Variants in EPS8L1 observed in about 807,000 individuals in gnomAD.
EPS8L1 encodes the protein EPS8 signaling adaptor L1, also known as epidermal growth factor receptor kinase substrate 8-like protein 1.
Under a neutral mutation model 91.7 loss-of-function variants are expected in EPS8L1, and 101 were observed. That is an observed-to-expected ratio of 1.10 (90% CI 0.94 to 1.30). The LOEUF (loss-of-function observed/expected upper bound fraction) is 1.30, where lower values mean the gene tolerates loss of function less well. Among genes scored for constraint, EPS8L1 ranks in the 50% most tolerant of loss-of-function variants. The pLI is 0.00. For synonymous variants in EPS8L1, 506 were observed against 445.3 expected (o/e 1.14, Z -1.72); for missense variants, 1,114 against 1,017.0 (o/e 1.10, Z -1.30).
At chr19:55,076,509 TC>T in intron 2 of EPS8L1, 48 bp downstream of exon 2, 3 of 1,588,390 alleles carry the variant, frequency 1.9e-6, no homozygotes, top group Non-Finnish European at 1.7e-6. Context: ...GCCTCCCGCC[TC>T]CCCTCGCCTC....
chr19:55,080,487 T>C, intron 6 of EPS8L1: 1 of 1,613,620 alleles, frequency 6.2e-7, no homozygotes, highest in Non-Finnish European at 8.5e-7. Flanking sequence ...GAAGGTGGGA[T>C]GAGGACATGA....
At chr19:55,082,661 G>A in intron 12 of EPS8L1, 59 bp downstream of exon 12, 1 of 1,467,406 alleles carries the variant, frequency 6.8e-7, no homozygotes, top group Non-Finnish European at 9.2e-7. Context: ...AAGGCGCTGG[G>A]AGGTGGGTGG....
At position 55,081,602 on chromosome 19, in the gene EPS8L1, T is replaced by C. The variant is rs367877897; in HGVS notation, c.774+110T>C. 9 of 707,812 alleles carry C rather than the reference T, an allele frequency of 1.3e-5. No individual in the cohort carries two copies. Among genetic ancestry groups the C allele is most frequent in the Non-Finnish European group, 1.2e-5 (6 of 515,868 alleles). 43.8% of individuals were successfully genotyped at this position (707,812 alleles called of 1,614,324 possible). ...GACGGGCGTTCTCTGGTCAGACTTC[T>C]GCGTTATGGAAGAGGGGCTGGGTCG... On this transcript the variant is annotated intron_variant, in intron 8 of 19. Transcript: ENST00000201647. This position sits in a 1 kb window ranked among gnomAD's most constrained non-coding sequence, Gnocchi z 4.9.
At chr19:55,076,923 G>A (rs1210745623) in intron 2 of EPS8L1, among the ~76,000 whole-genome samples, 2 of 152,186 alleles carry the variant, frequency 1.3e-5, no homozygotes, top group African/African-American at 4.8e-5. Context: ...GAAGACTCAA[G>A]TCCCCCAGAG....
At position 55,086,888 on chromosome 19, in the gene EPS8L1, G is replaced by A. The variant is rs2076358552; in HGVS notation, c.1952G>A (p.Gly651Glu). The change falls in exon 18 of 20, where the codon GGG (glycine) becomes GAG (glutamate). Residue 651 changes from glycine to glutamate, a missense_variant and splice_region_variant. Physicochemically the swap from Gly to Glu is moderately conservative, Grantham distance 98. Coordinates refer to ENST00000201647, the MANE Select transcript of EPS8L1 (RefSeq NM_133180.3). Reference protein sequence around the residue: ...AWLQAKGFSSGTVDALGVLTG... With the variant: ...AWLQAKGFSSETVDALGVLTG... Reference sequence around the variant, plus strand: ...CTGCAGGCCAAGGGCTTTAGCTCCGGGTGAGTGGGGCCGGGGCCCTCTCGG... The same window carrying A: ...CTGCAGGCCAAGGGCTTTAGCTCCGAGTGAGTGGGGCCGGGGCCCTCTCGG... 2 of 1,431,176 alleles carry A rather than the reference G, an allele frequency of 1.4e-6. No homozygotes were observed. Among genetic ancestry groups the A allele is most frequent in the African/African-American group, 3.0e-5 (2 of 66,312 alleles). The allele number at this position is 1,431,176 out of a possible 1,614,324, so 88.7% of individuals were successfully genotyped here.
intron 17 of EPS8L1, 78 bp from the exon 18 acceptor site, chr19:55,086,636 C>CCCCCCCCCCCCCCCCCAGG: frequency 1.4e-5 from 13 of 956,858 alleles, no homozygotes; most frequent in African/African-American, 2.9e-5. Flanking sequence ...CGCTGGAGCG[C>CCCCCCCCCCCCCCCCCAGG]CCCCCCGCCC....
chr19:55,086,627 G>A (rs1033483662), intron 17 of EPS8L1, 87 bp from the exon 18 acceptor site: 1 of 1,509,826 alleles, frequency 6.6e-7, no homozygotes, highest in East Asian at 2.4e-5. Flanking sequence ...TTCTGGGGAC[G>A]CTGGAGCGCC....
chr19:55,080,066 C>A, intron 5 of EPS8L1, 63 bp from the exon 6 acceptor site: 1 of 1,458,228 alleles, frequency 6.9e-7, no homozygotes, highest in Non-Finnish European at 9.1e-7. Context: ...CCCACACTCC[C>A]GTCGCCATTT....
rs142793216 is a variant in EPS8L1, at chr19:55,082,278, C to A, written c.994C>A (p.Arg332=). 2 of 1,611,828 alleles carry A rather than the reference C, an allele frequency of 1.2e-6. No homozygotes were observed. The stretch of plus-strand genomic sequence containing the variant: ...CACCTCCCTCCCCACGCCCCAGGCC[C>A]GGCTGCGCGGCAACATCGCCGACCC... ...KIKYAFSLLA[R]LRGNIADPSS... is the part of the protein sequence containing the mutation. Residue 332 remains arginine (R), a synonymous_variant, in exon 11 of 20, where the codon CGG becomes AGG. Coordinates refer to ENST00000201647, the MANE Select transcript of EPS8L1 (RefSeq NM_133180.3).
chr19:55,086,522 A>G lies in EPS8L1; in HGVS notation c.1777+4A>G. On this transcript the variant is annotated splice_donor_region_variant and intron_variant, in intron 17 of 19. Transcript: ENST00000201647. ...GGCTTGGACCCCAGCGAGAAGGGTG[A>G]GTGGTGGGGACGCCGGCTGCGGGGA... 6.4e-7 allele frequency: 1 copy of G among 1,550,702 alleles called. No individual in the cohort carries two copies. The highest frequency in any genetic ancestry group is 8.7e-7 in the Non-Finnish European group (1 of 1,146,616).
Position 55,086,831 on chromosome 19 carries a change from C to G in EPS8L1, c.1895C>G (p.Pro632Arg), listed in dbSNP as rs758031153. 2.6e-6 allele frequency: 4 copies of G among 1,543,926 alleles called. No individual in the cohort carries two copies. Among genetic ancestry groups the G allele is most frequent in the Non-Finnish European group, 2.6e-6 (3 of 1,147,076 alleles). Residue 632 changes from proline (P) to arginine (R), a missense_variant, in exon 18 of 20, where the codon CCG (proline) becomes CGG (arginine). Physicochemically the swap from Pro to Arg is moderately radical, Grantham distance 103. Transcript: ENST00000201647. ...GPRAPEPQLS[P>R]GSDASEVRAW... ...CGCGCCCCGGAACCGCAGCTCAGCC[C>G]GGGCTCGGACGCCTCCGAGGTCCGC...
intron 2 of EPS8L1, among the ~76,000 whole-genome samples, chr19:55,077,519 C>T (rs540321239): frequency 4.0e-5 from 6 of 150,792 alleles, no homozygotes; most frequent in Admixed American, 6.6e-5. Context: ...GTTTGAATCC[C>T]GGACTATGCC....
In EPS8L1 at chr19:55,076,096, G is replaced by A. The variant is rs748759989; in HGVS notation, c.-38+177G>A. On this transcript the variant is annotated intron_variant, in intron 1 of 19. Coordinates refer to ENST00000201647, the MANE Select transcript of EPS8L1 (RefSeq NM_133180.3). ...GACTCCTAGGTCTGAGGGAGGAGGG[G>A]CTGAGGGCCTGGACTCCTGGGTCTG... Among the ~76,000 whole-genome samples, 163 of 114,490 alleles carry A rather than the reference G, an allele frequency of 1.4e-3. 2 individuals are homozygous for A. Among genetic ancestry groups the A allele is most frequent in the Non-Finnish European group, 2.1e-3 (104 of 48,806 alleles). The allele number at this position is 114,490 out of a possible 152,430, so 75.1% of individuals were successfully genotyped here. A position where few individuals can be genotyped will look rare whatever the true frequency, so the allele number is the denominator to read the frequency against.
chr19:55,078,095 G>T lies in EPS8L1; in HGVS notation c.25G>T (p.Ala9Ser). MSTATGPE[A>S]APKPSAKSIY... ...TCCTCTTTTCTTCACCAGCCCAGAA[G>T]CTGCCCCAAAGCCAAGCGCCAAGTC... The change falls in exon 3 of 20, where the codon GCT becomes TCT. Residue 9 changes from alanine to serine, a missense_variant. Coordinates refer to ENST00000201647, the MANE Select transcript of EPS8L1 (RefSeq NM_133180.3). 1.2e-6 allele frequency: 2 copies of T among 1,613,802 alleles called. No homozygotes were observed. The highest frequency in any genetic ancestry group is 1.7e-6 in the Non-Finnish European group (2 of 1,179,916).
Position 55,083,809 on chromosome 19 carries a change from G to GGAGGAGCA in EPS8L1, c.1385+167_1385+174dup, listed in dbSNP as rs1383736419. On this transcript the variant is annotated intron_variant, in intron 14 of 19. Coordinates refer to ENST00000201647, the MANE Select transcript of EPS8L1 (RefSeq NM_133180.3). The surrounding 1 kb of genome is among the most constrained non-coding windows in gnomAD (Gnocchi z 4.7). ...GGGGCGGGCCGGGGCTGGGAGAGAG[G>GGAGGAGCA]GAGGAGCAGGGTGGGAGGGGGCGGG... 1.2e-6 allele frequency: 1 copy of GGAGGAGCA among 821,468 alleles called. No homozygotes were observed. Among genetic ancestry groups the GGAGGAGCA allele is most frequent in the African/African-American group, 1.7e-5 (1 of 58,926 alleles). 50.9% of individuals were successfully genotyped at this position (821,468 alleles called of 1,614,324 possible). A position where few individuals can be genotyped will look rare whatever the true frequency, so the allele number is the denominator to read the frequency against.
At chr19:55,082,010 A>G (rs752633580) in intron 9 of EPS8L1, 82 bp from the exon 10 acceptor site, 18 of 1,551,942 alleles carry the variant, frequency 1.2e-5, no homozygotes, top group East Asian at 9.7e-5. Context: ...CCTCACCGCC[A>G]TCTTAACCGG....
rs1434830574 is a variant in EPS8L1, at chr19:55,081,679, T to C, written c.775-94T>C. ...GCCAGGTGTTTGGGGCGTGGCCTGA[T>C]CTGGGGAAGTGTATAGGTGCTCAGG... On this transcript the variant is annotated intron_variant, in intron 8 of 19. Transcript: ENST00000201647. The surrounding 1 kb of genome is among the most constrained non-coding windows in gnomAD (Gnocchi z 4.9). 4.0e-6 allele frequency: 6 copies of C among 1,511,982 alleles called. No homozygotes were observed. The highest frequency in any genetic ancestry group is 5.3e-6 in the Non-Finnish European group (6 of 1,128,878). The allele number at this position is 1,511,982 out of a possible 1,614,324, so 93.7% of individuals were successfully genotyped here.
At position 55,081,477 on chromosome 19, in the gene EPS8L1, G is replaced by A. The variant is rs1434269594; in HGVS notation, c.759G>A (p.Gln253=). The change falls in exon 8 of 20, where the codon CAG becomes CAA. Residue 253 remains glutamine (Q), a synonymous_variant. Transcript: ENST00000201647. This position sits in a 1 kb window ranked among gnomAD's most constrained non-coding sequence, Gnocchi z 4.9. ...GPRGPDLAVL[Q]AEREVDILNH... ...GGGGTCCTGACCTGGCGGTTCTGCA[G>A]GCGGAGCGGGAAGTGGTGAGCCGCT... 2 of 1,590,156 alleles carry A rather than the reference G, an allele frequency of 1.3e-6. No homozygotes were observed. The highest frequency in any genetic ancestry group is 1.7e-6 in the Non-Finnish European group (2 of 1,168,772).
chr19:55,079,573 A>T, intron 4 of EPS8L1, 117 bp from the exon 5 acceptor site: 1 of 1,261,060 alleles, frequency 7.9e-7, no homozygotes, highest in Non-Finnish European at 1.1e-6. Flanking sequence ...GTGATCAAGG[A>T]AGGCTTCCTG....
Sources: gnomAD v4.1 joint callset for allele counts (sites outside exome capture counted in the v4.1 genomes callset) on GRCh38, gnomAD v4.1.1 for gene constraint, Gnocchi (gnomAD v3.1) non-coding constraint, MANE v1.5 for transcripts, NCBI Gene and HGNC (gene_info 2026-07-23, HGNC 2026-07-21) for gene names.